VAV3: variants seen among roughly 807,000 people sequenced by gnomAD.
VAV3 encodes the protein vav guanine nucleotide exchange factor 3.
In VAV3, 94 loss-of-function variants were observed where a neutral mutation model predicts 131.2. The observed-to-expected ratio is 0.72, with a 90% CI of 0.61 to 0.85. The LOEUF (loss-of-function observed/expected upper bound fraction) is 0.85. VAV3 is among the 40% of genes least tolerant of loss of function. The pLI, the probability that VAV3 is intolerant of heterozygous loss-of-function variation, is 0.00. For missense variants in VAV3, 939 were observed against 1,002.7 expected (o/e 0.94, Z 0.86); for synonymous variants, 349 against 342.0 (o/e 1.02, Z -0.22).
At chr1:107,767,429 C>G (rs1285430373) in intron 7 of VAV3, among the ~76,000 whole-genome samples, 2 of 152,152 alleles carry the variant, frequency 1.3e-5, no homozygotes, top group Non-Finnish European at 2.9e-5. Flanking sequence ...GATGTGGGCT[C>G]TAAGTTATAA....
At chr1:107,815,109 G>A (rs185373926) in intron 2 of VAV3, among the ~76,000 whole-genome samples, 5 of 152,280 alleles carry the variant, frequency 3.3e-5, no homozygotes, top group Admixed American at 2.0e-4. Flanking sequence ...CATAGATGCT[G>A]CAGTATCTGT....
At chr1:107,768,191 A>T (rs1664840286) in intron 7 of VAV3, among the ~76,000 whole-genome samples, 1 of 152,194 alleles carries the variant, frequency 6.6e-6, no homozygotes, top group African/African-American at 2.4e-5. Flanking sequence ...AAGAGTTAAG[A>T]ATAACACATG....
chr1:107,700,536 A>G (rs1213133523), intron 17 of VAV3, among the ~76,000 whole-genome samples: 1 of 152,098 alleles, frequency 6.6e-6, no homozygotes, highest in Non-Finnish European at 1.5e-5. Context: ...CCCACTTATG[A>G]GTGAGAACAT....
At chr1:107,853,963 AT>A (rs540230759) in intron 2 of VAV3, among the ~76,000 whole-genome samples, 18 of 150,518 alleles carry the variant, frequency 1.2e-4, no homozygotes, top group Admixed American at 6.6e-4. Context: ...GGGTAACTGT[AT>A]TTTTTTTTTC....
chr1:107,733,133 G>T (rs1557803181), intron 15 of VAV3, among the ~76,000 whole-genome samples: 1 of 152,184 alleles, frequency 6.6e-6, no homozygotes. Flanking sequence ...CAACAGACCT[G>T]CAACTGAGAG....
chr1:107,723,907 T>C (rs1051195253), intron 15 of VAV3, among the ~76,000 whole-genome samples: 2 of 152,142 alleles, frequency 1.3e-5, no homozygotes, highest in Admixed American at 1.3e-4. Flanking sequence ...ATTGGATAAA[T>C]AGAGAACACA....
intron 2 of VAV3, among the ~76,000 whole-genome samples, chr1:107,800,541 T>G (rs867097613): frequency 6.6e-6 from 1 of 152,196 alleles, no homozygotes; most frequent in Non-Finnish European, 1.5e-5. Context: ...TAATTTCAAC[T>G]CATATTTTAG....
intron 17 of VAV3, among the ~76,000 whole-genome samples, chr1:107,699,914 G>A (rs942862814): frequency 2.0e-5 from 3 of 152,132 alleles, no homozygotes; most frequent in African/African-American, 2.4e-5. Context: ...GGGCGATTCC[G>A]GCTAAACTGA....
chr1:107,633,636 G>GA (rs1654680994), intron 20 of VAV3, among the ~76,000 whole-genome samples: 1 of 152,032 alleles, frequency 6.6e-6, no homozygotes, highest in Non-Finnish European at 1.5e-5. Context: ...TATCTGGGCT[G>GA]GCCATGTCTT....
chr1:107,594,961 T>C (rs1013985787), intron 25 of VAV3, among the ~76,000 whole-genome samples: 1 of 152,156 alleles, frequency 6.6e-6, no homozygotes, highest in Non-Finnish European at 1.5e-5. Flanking sequence ...CTTCGAAAAT[T>C]ACATGTTTCA....
intron 2 of VAV3, among the ~76,000 whole-genome samples, chr1:107,783,646 GC>G (rs1343430734): frequency 1.3e-5 from 2 of 152,148 alleles, no homozygotes; most frequent in Non-Finnish European, 2.9e-5. Flanking sequence ...CCTCCACGGA[GC>G]CTTCTCTGGC....
chr1:107,804,761 G>GT (rs145356281), intron 2 of VAV3, among the ~76,000 whole-genome samples: 22,895 of 151,632 alleles, frequency 0.15, 1,997 homozygotes, highest in East Asian at 0.29. Context: ...AATATTTTTG[G>GT]TTTTTTTTGT....
At chr1:107,636,702 C>T (rs186071823) in intron 20 of VAV3, among the ~76,000 whole-genome samples, 4 of 152,232 alleles carry the variant, frequency 2.6e-5, no homozygotes, top group Non-Finnish European at 5.9e-5. Flanking sequence ...GTTTCTACTG[C>T]ATGTGTATCA....
chr1:107,962,394 T>C (rs1675135462), intron 1 of VAV3, among the ~76,000 whole-genome samples: 1 of 152,236 alleles, frequency 6.6e-6, no homozygotes, highest in Admixed American at 6.5e-5. Flanking sequence ...TTTTAAAATT[T>C]CTATTGGAAC....
chr1:107,603,061 A>G lies in VAV3; in HGVS notation c.2118T>C (p.Tyr706=), dbSNP rs1468063274. Reference sequence around the variant, plus strand: ...GTCCTACTTACTTAATGCTAATTGCATATTCTCCTGACTCTTTGGTCCTGT... The same window carrying G: ...GTCCTACTTACTTAATGCTAATTGCGTATTCTCCTGACTCTTTGGTCCTGT... The part of the protein sequence containing the change: ...VRHRTKESGE[Y]AISIKYNNEA... The change falls in exon 23 of 27, where the codon TAT becomes TAC. Residue 706 remains tyrosine, a synonymous_variant. Transcript: ENST00000370056. 3.1e-6 allele frequency: 5 copies of G among 1,612,576 alleles called. No individual in the cohort carries two copies. Among genetic ancestry groups the G allele is most frequent in the Middle Eastern group, 1.7e-4 (1 of 6,056 alleles).
chr1:107,713,896 T>C (rs1660935083), intron 15 of VAV3, among the ~76,000 whole-genome samples: 2 of 152,164 alleles, frequency 1.3e-5, no homozygotes. Context: ...ACATCACGTT[T>C]TGGCTAGTCA....
At chr1:107,597,363 A>G (rs1651481275) in intron 24 of VAV3, among the ~76,000 whole-genome samples, 1 of 152,208 alleles carries the variant, frequency 6.6e-6, no homozygotes, top group South Asian at 2.1e-4. Flanking sequence ...CTGAAAGAAG[A>G]AAAAGAGAAT....
rs1426165513 is a variant in VAV3 at position 107,648,156 on chromosome 1, C to G, written c.1778-5401G>C. Among the ~76,000 whole-genome samples the G allele has an allele frequency of 2.0e-5, 3 of 151,998 alleles. No homozygotes were observed. The East Asian group carries it at 5.8e-4, about 29-fold the overall frequency. On this transcript the variant is annotated intron_variant, in intron 19 of 26. Coordinates refer to ENST00000370056, the MANE Select transcript of VAV3 (RefSeq NM_006113.5). ...TTAAAATTTTCACCAGAGAAGCCTA[C>G]ATTATTTTTATAAACAATGATGACT...
intron 21 of VAV3, among the ~76,000 whole-genome samples, chr1:107,611,047 C>T (rs548459762): frequency 6.6e-6 from 1 of 152,244 alleles, no homozygotes; most frequent in East Asian, 1.9e-4. Context: ...TTGAGCATCC[C>T]TTATCTGCAA....
Sources: allele counts gnomAD v4.1 joint callset (sites outside exome capture counted in the v4.1 genomes callset), GRCh38; gene constraint gnomAD v4.1.1; transcripts MANE v1.5; gene names NCBI Gene and HGNC (gene_info 2026-07-23, HGNC 2026-07-21).